Variants in PARP10 observed in about 807,000 individuals in gnomAD.
PARP10 encodes the protein protein mono-ADP-ribosyltransferase PARP10.
A neutral mutation model predicts 82.4 loss-of-function variants in PARP10; 56 were observed. The ratio of observed to expected loss-of-function variants is 0.68; its 90% CI spans 0.55 to 0.85. PARP10 has a LOEUF of 0.85. PARP10 is among the 40% of genes least tolerant of loss of function. The probability of loss-of-function intolerance (pLI) is 0.00; values close to 1 mark genes in which losing one functional copy is unlikely to be tolerated. For missense variants in PARP10, 1,227 were observed against 1,379.4 expected (o/e 0.89, Z 1.75); for synonymous variants, 576 against 601.1 (o/e 0.96, Z 0.61).
chr8:143,986,560 C>T (rs565519150), upstream of PARP10: 17 of 765,354 alleles, frequency 2.2e-5, no homozygotes, highest in African/African-American at 1.7e-4. Flanking sequence ...CAGCCTCAAC[C>T]CCCAGCTGAC....
Position 143,984,937 on chromosome 8 carries a change from C to A in PARP10, c.1065G>T (p.Gly355=). Residue 355 remains glycine (G), a synonymous_variant, in exon 5 of 11, where the codon GGG becomes GGT. Transcript: ENST00000313028. The stretch of plus-strand genomic sequence containing the variant: ...TTACCAGCCCCTCATGTTCCAGAGA[C>A]CCCATGGGCATCGAGCTGACTTGCT... ...QAEQVSSMPM[G]SLEHEGLVSL... 6.2e-7 allele frequency: 1 copy of A among 1,614,042 alleles called. No homozygotes were observed. Among genetic ancestry groups the A allele is most frequent in the Non-Finnish European group, 8.5e-7 (1 of 1,180,018 alleles).
chr8:143,986,290 C>A (rs147957301), intron 1 of PARP10, 57 bp from the exon 2 acceptor site: 394 of 1,613,664 alleles, frequency 2.4e-4, no homozygotes, highest in Admixed American at 4.3e-4. Context: ...TCCTGCCCCT[C>A]CCCAGGCCCC....
intron 9 of PARP10, among the ~76,000 whole-genome samples, chr8:143,980,937 A>G (rs1833835849): frequency 6.6e-6 from 1 of 152,198 alleles, no homozygotes; most frequent in Admixed American, 6.5e-5. Flanking sequence ...AAATAATGTA[A>G]CTGACCAAAT....
In PARP10 at chr8:143,985,943, C is replaced by A. The variant is rs782542345; in HGVS notation, c.214G>T (p.Glu72Ter). 10 of 1,580,554 alleles carry A rather than the reference C, an allele frequency of 6.3e-6. No individual in the cohort carries two copies. Among genetic ancestry groups the A allele is most frequent in the Non-Finnish European group, 8.6e-6 (10 of 1,159,398 alleles). Residue 72 changes from glutamate to a stop codon, truncating the protein, a stop_gained, in exon 3 of 11, where the codon GAA (glutamate) becomes TAA (stop). Coordinates refer to ENST00000313028, the MANE Select transcript of PARP10 (RefSeq NM_032789.5). LOFTEE classifies it high-confidence loss of function. ...AERVLAQADH[E>*]LHGAQLSLRP... ...AGGCTCAGCTGGGCACCATGTAGTT[C>A]GTGATCTGCCTGGGCCAAGACCCTC... is the stretch of plus-strand genomic sequence containing the variant.
At chr8:143,992,287 G>T, upstream of PARP10, 3 of 1,593,034 alleles carry the variant, frequency 1.9e-6, no homozygotes, top group Non-Finnish European at 8.6e-7. Flanking sequence ...GGGGATGATC[G>T]CCAGCTTCTA....
chr8:143,977,968 C>G lies in PARP10; in HGVS notation c.2670G>C (p.Thr890=), dbSNP rs533456425. The part of the protein sequence containing the change: ...PVEQVLYHGT[T]APAVPDICAH... ...CGCAGATGTCAGGCACTGCCGGTGC[C>G]GTCGTGCCGTGGTACAGCACCTGCT... Residue 890 remains threonine, a synonymous_variant, in exon 10 of 11, where the codon ACG becomes ACC. Coordinates refer to ENST00000313028, the MANE Select transcript of PARP10 (RefSeq NM_032789.5). 1.3e-6 allele frequency: 2 copies of G among 1,599,332 alleles called. No homozygotes were observed.
intron 1 of PARP10, among the ~76,000 whole-genome samples, chr8:143,997,318 C>A (rs1834170820): frequency 6.6e-6 from 1 of 152,212 alleles, no homozygotes; most frequent in Non-Finnish European, 1.5e-5. Flanking sequence ...TGCCCTTTCA[C>A]TGCAACTTCC....
chr8:143,992,020 T>C (rs1554750602), upstream of PARP10: 2 of 1,613,976 alleles, frequency 1.2e-6, no homozygotes, highest in Non-Finnish European at 8.5e-7. Context: ...ATCTCTCTCA[T>C]CGTCCTCAGC....
In PARP10 at chr8:144,000,961, T is replaced by A. The variant is rs1156600460; in HGVS notation, c.-80+11569A>T. ...CGGAGTCTCGCTCTGTCGCCCAGGC[T>A]GGAGTGCAGTGGCGCGATCTTGGCT... On this transcript the variant is annotated intron_variant, in intron 1 of 3. Coordinates refer to the PARP10 transcript ENST00000530478. Among the ~76,000 whole-genome samples the A allele has an allele frequency of 7.7e-5, 11 of 142,602 alleles. No individual in the cohort carries two copies. The Admixed American group carries it at 7.9e-4, about 10-fold the overall frequency. The allele number at this position is 142,602 out of a possible 152,430, so 93.6% of individuals were successfully genotyped here.
chr8:143,991,772 G>A (rs782648886), upstream of PARP10: 1 of 1,613,802 alleles, frequency 6.2e-7, no homozygotes, highest in Non-Finnish European at 8.5e-7. Context: ...CAACTGGGAT[G>A]ACAAGAGCAT....
In PARP10 at chr8:143,985,749, G is replaced by A. The variant is rs1554749162; in HGVS notation, c.408C>T (p.Val136=). ...LASPRPDRAL[V]QLPKPLSEAD... ...CCTCAGAAAGGGGCTTGGGCAACTG[G>A]ACCAGAGCCCGGTCTGGCCGGGGGC... Residue 136 remains valine (V), a synonymous_variant, in exon 3 of 11, where the codon GTC becomes GTT. Coordinates refer to ENST00000313028, the MANE Select transcript of PARP10 (RefSeq NM_032789.5). 6.2e-7 allele frequency: 1 copy of A among 1,609,244 alleles called. No individual in the cohort carries two copies. Among genetic ancestry groups the A allele is most frequent in the South Asian group, 1.1e-5 (1 of 90,794 alleles).
chr8:143,989,822 A>C (rs1834059223), upstream of PARP10: 1 of 152,216 alleles, frequency 6.6e-6, no homozygotes, highest in African/African-American at 2.4e-5. The surrounding 1 kb of genome is among the most constrained non-coding windows in gnomAD (Gnocchi z 4.3). Context: ...TTTAGGAATA[A>C]ATTTCTTAAC....
At position 143,984,740 on chromosome 8, in the gene PARP10, A is replaced by G. The variant is rs1554748758; in HGVS notation, c.1262T>C (p.Met421Thr). 1 of 1,613,476 alleles carries G rather than the reference A, an allele frequency of 6.2e-7. No individual in the cohort carries two copies. The highest frequency in any genetic ancestry group is 8.5e-7 in the Non-Finnish European group (1 of 1,179,764). Residue 421 changes from methionine (M) to threonine (T), a missense_variant, in exon 5 of 11, where the codon ATG becomes ACG. Transcript: ENST00000313028. ...AGGCCCTGCCTTCTCCAGAGACCCC[A>G]TGGTGATCTCCATGGGACCCACCAG... ...EGLVGPMEITMGSLEKAGPVS... is the reference protein window; with the variant it reads ...EGLVGPMEITTGSLEKAGPVS...
upstream of PARP10, among the ~76,000 whole-genome samples, chr8:143,987,385 G>A (rs1160784576): frequency 6.6e-6 from 1 of 152,258 alleles, no homozygotes; most frequent in African/African-American, 2.4e-5. Context: ...GAGGACCCTG[G>A]CCAGCCTGCA....
At position 143,977,642 on chromosome 8, in the gene PARP10, G is replaced by A; in HGVS notation, c.2920C>T (p.Arg974Cys). The A allele has an allele frequency of 5.6e-6, 9 of 1,593,090 alleles. No homozygotes were observed. In the South Asian group the frequency reaches 6.8e-5, roughly 12 times the overall value. ...PLRGPGHVLL[R>C]YDSAVDCICQ... Reference sequence around the variant, plus strand: ...ATGCAGTCCACGGCGCTGTCGTAGCGCAGGAGCACGTGGCCAGGACCCCGC... The same window carrying A: ...ATGCAGTCCACGGCGCTGTCGTAGCACAGGAGCACGTGGCCAGGACCCCGC... Residue 974 changes from arginine to cysteine, a missense_variant, in exon 11 of 11, where the codon CGC becomes TGC. Arg to Cys is a radical substitution (Grantham distance 180). Transcript: ENST00000313028.
At chr8:144,012,719 G>T (rs781964487) in exon 1 of PARP10, 1 of 1,551,680 alleles carries the variant, frequency 6.4e-7, no homozygotes, top group Non-Finnish European at 8.7e-7. Flanking sequence ...CCTCACGCCA[G>T]AACAATGGTA....
At chr8:143,992,462 C>T (rs1554750709), upstream of PARP10, 1 of 1,614,114 alleles carries the variant, frequency 6.2e-7, no homozygotes. Context: ...CTCCCACCTG[C>T]AGACCCGCTA....
upstream of PARP10, chr8:143,989,997 G>GCCCAC (rs1834062365): frequency 7.6e-6 from 1 of 132,222 alleles, no homozygotes; most frequent in African/African-American, 2.8e-5. This position sits in a 1 kb window ranked among gnomAD's most constrained non-coding sequence, Gnocchi z 4.3. Context: ...CGGAAGCCCC[G>GCCCAC]CCCACCTGCC....
In PARP10 at chr8:143,977,696, C is replaced by T. The variant is rs1346629906; in HGVS notation, c.2866G>A (p.Gly956Ser). The change falls in exon 11 of 11, where the codon GGC becomes AGC. Residue 956 changes from glycine (G) to serine (S), a missense_variant. Gly to Ser is a moderately conservative substitution (Grantham distance 56, BLOSUM62 0). Coordinates refer to ENST00000313028, the MANE Select transcript of PARP10 (RefSeq NM_032789.5). ...GGGGGCGCCCGCAGACCGCGGCGGC[C>T]CTGCCCGTAGTCGCCAGTCAGCACC... ...ARVLTGDYGQGRRGLRAPPLR... is the reference protein window; with the variant it reads ...ARVLTGDYGQSRRGLRAPPLR... 7 of 1,592,638 alleles carry T rather than the reference C, an allele frequency of 4.4e-6. No individual in the cohort carries two copies. Among genetic ancestry groups the T allele is most frequent in the Non-Finnish European group, 4.3e-6 (5 of 1,170,478 alleles).
Sources: gnomAD v4.1 joint callset for allele counts (sites outside exome capture counted in the v4.1 genomes callset) on GRCh38, gnomAD v4.1.1 for gene constraint, Gnocchi (gnomAD v3.1) non-coding constraint, MANE v1.5 for transcripts, NCBI Gene and HGNC (gene_info 2026-07-23, HGNC 2026-07-21) for gene names.